Variants in UNC80 observed in about 807,000 individuals in gnomAD.
The protein encoded by UNC80 is unc-80 subunit of NALCN channel complex.
In UNC80, 164 loss-of-function variants were observed where a neutral mutation model predicts 384.6. The observed-to-expected ratio is 0.43, with a 90% CI of 0.38 to 0.49. The LOEUF (loss-of-function observed/expected upper bound fraction) is 0.49. Ranked by LOEUF, UNC80 falls within the 20% of genes least tolerant of loss-of-function variation. The pLI, the probability that UNC80 is intolerant of heterozygous loss-of-function variation, is 0.00. For synonymous variants in UNC80, 1,486 were observed against 1,527.8 expected, an observed-to-expected ratio of 0.97 and a Z score of 0.64; for missense variants, 3,330 against 4,143.0, an observed-to-expected ratio of 0.80 and a Z score of 5.39.
rs1307503288 is a variant in UNC80 at position 209,995,481 on chromosome 2, C to T, written c.9861C>T (p.Val3287=). 1.9e-6 allele frequency: 3 copies of T among 1,551,856 alleles called. No individual in the cohort carries two copies. The South Asian group carries it at 3.6e-5, about 18-fold the overall frequency. The change falls in exon 65 of 65, where the codon GTC becomes GTT. Residue 3287 remains valine (V), a synonymous_variant. Transcript: ENST00000673920. ...TSSLLQHGDT[V]LHISEENGME... The stretch of plus-strand genomic sequence containing the variant: ...GCCTCCTACAGCATGGAGACACTGT[C>T]CTTCATATCAGTGAGGAAAATGGCA...
rs540059598 is a variant in UNC80 at position 209,981,599 on chromosome 2, A to G, written c.9119-580A>G. Reference sequence around the variant, plus strand: ...CTCAAAAACAAAAAACAAACAAACCAAAACAAAACAAAAAAAACTCTGCTT... The same window carrying G: ...CTCAAAAACAAAAAACAAACAAACCGAAACAAAACAAAAAAAACTCTGCTT... On this transcript the variant is annotated intron_variant, in intron 59 of 64. Transcript: ENST00000673920. Among the ~76,000 whole-genome samples, 51 of 151,952 alleles carry G rather than the reference A, an allele frequency of 3.4e-4. No homozygotes were observed. The East Asian group carries it at 8.7e-3, about 26-fold the overall frequency.
Position 209,813,786 on chromosome 2 carries a change from G to A in UNC80, c.1145G>A (p.Arg382Lys). 1 of 1,552,098 alleles carries A rather than the reference G, an allele frequency of 6.4e-7. No homozygotes were observed. ...EPDIPLLPRP[R>K]SSSMVAAAPS... ...GATATTCCTCTCCTGCCCAGACCCA[G>A]GAGTAGCTCCATGGTGGCAGCAGCT... The change falls in exon 8 of 65, where the codon AGG becomes AAG. Residue 382 changes from arginine (R) to lysine (K), a missense_variant. This residue lies in a region of UNC80 where 937 missense variants were observed against 1,026.8 expected (regional missense o/e 0.91). Transcript: ENST00000673920.
intron 44 of UNC80, 151 bp from the exon 45 acceptor site, chr2:209,943,229 A>G (rs998995112): frequency 3.1e-6 from 3 of 980,392 alleles, no homozygotes; most frequent in African/African-American, 3.3e-5. Context: ...AAATTTATCT[A>G]GAGAAAGTTT....
chr2:209,816,237 A>C (rs555186360), intron 9 of UNC80, among the ~76,000 whole-genome samples: 14 of 152,354 alleles, frequency 9.2e-5, no homozygotes, highest in African/African-American at 3.1e-4. Context: ...TCCCAGACCA[A>C]TTAAACCAGA....
intron 31 of UNC80, among the ~76,000 whole-genome samples, chr2:209,915,421 A>C (rs934979801): frequency 6.6e-6 from 1 of 151,480 alleles, no homozygotes; most frequent in East Asian, 1.9e-4. Flanking sequence ...AAAAAAAAAA[A>C]AAACAAAAAC....
At chr2:209,804,984 T>C (rs888852563) in intron 7 of UNC80, among the ~76,000 whole-genome samples, 2 of 152,312 alleles carry the variant, frequency 1.3e-5, no homozygotes, top group South Asian at 4.1e-4. Context: ...TTCTTTATAT[T>C]TGATGTATTA....
intron 54 of UNC80, among the ~76,000 whole-genome samples, chr2:209,971,636 T>C (rs2092891234): frequency 6.6e-6 from 1 of 152,188 alleles, no homozygotes; most frequent in Non-Finnish European, 1.5e-5. Context: ...TGATGGCTCA[T>C]CATCCAGAGA....
At chr2:209,875,182 C>T (rs2084670333) in intron 23 of UNC80, among the ~76,000 whole-genome samples, 1 of 152,174 alleles carries the variant, frequency 6.6e-6, no homozygotes, top group African/African-American at 2.4e-5. Flanking sequence ...GACTTGCACC[C>T]TCTAATTCAT....
chr2:209,853,788 G>A (rs1037962077), intron 22 of UNC80, among the ~76,000 whole-genome samples: 2 of 151,970 alleles, frequency 1.3e-5, no homozygotes, highest in Non-Finnish European at 2.9e-5. Flanking sequence ...TAATTTATTA[G>A]CATGAATAAC....
chr2:209,815,145 T>A lies in UNC80; in HGVS notation c.1201-112T>A, dbSNP rs1167609443. 26 of 1,036,352 alleles carry A rather than the reference T, an allele frequency of 2.5e-5. No individual in the cohort carries two copies. The East Asian group carries it at 6.9e-4, about 28-fold the overall frequency. The allele number at this position is 1,036,352 out of a possible 1,614,324, so 64.2% of individuals were successfully genotyped here. A position where few individuals can be genotyped will look rare whatever the true frequency, so the allele number is the denominator to read the frequency against. On this transcript the variant is annotated intron_variant, in intron 8 of 64. Coordinates refer to ENST00000673920, the MANE Select transcript of UNC80 (RefSeq NM_001371986.1). ...AAGTCCAGACATACAAGTTCAATTG[T>A]TCAAAGATGTCAAAGCTATAGGCGC...
intron 22 of UNC80, among the ~76,000 whole-genome samples, chr2:209,851,038 C>A (rs2082492388): frequency 6.6e-6 from 1 of 151,896 alleles, no homozygotes; most frequent in Non-Finnish European, 1.5e-5. Flanking sequence ...AACACTTAAA[C>A]AATGGAAAAG....
chr2:209,813,741 C>A lies in UNC80; in HGVS notation c.1100C>A (p.Pro367Gln), dbSNP rs1205882216. The stretch of plus-strand genomic sequence containing the variant: ...CTGCGACACATGTTGGAAGAGAAGC[C>A]AGAAAAGCCTCCGGAGCCAGATATT... Reference protein sequence around the residue: ...QRLRHMLEEKPEKPPEPDIPL... With the variant: ...QRLRHMLEEKQEKPPEPDIPL... Residue 367 changes from proline to glutamine, a missense_variant, in exon 8 of 65, where the codon CCA becomes CAA. Pro to Gln is a moderately conservative substitution (Grantham distance 76, BLOSUM62 -1). Around this residue, in one of 8 missense-constraint regions of UNC80, gnomAD observed 937 missense variants for 1,026.8 expected, o/e 0.91. Transcript: ENST00000673920. 2 of 1,551,820 alleles carry A rather than the reference C, an allele frequency of 1.3e-6. No homozygotes were observed. Among genetic ancestry groups the A allele is most frequent in the East Asian group, 4.9e-5 (2 of 40,914 alleles).
intron 61 of UNC80, among the ~76,000 whole-genome samples, chr2:209,989,725 A>T (rs570669557): frequency 6.6e-6 from 1 of 152,312 alleles, no homozygotes; most frequent in Admixed American, 6.5e-5. Flanking sequence ...CATACATCAC[A>T]AATCCTGCAG....
intron 5 of UNC80, among the ~76,000 whole-genome samples, chr2:209,786,512 C>T (rs1480064132): frequency 1.3e-5 from 2 of 152,160 alleles, no homozygotes; most frequent in African/African-American, 2.4e-5. Context: ...AGAAGAATGT[C>T]TGGCACATAG....
At chr2:209,905,000 T>C in intron 29 of UNC80, 35 bp downstream of exon 29, 6 of 1,542,262 alleles carry the variant, frequency 3.9e-6, no homozygotes, top group Non-Finnish European at 5.3e-6. Flanking sequence ...ATTCTAATAC[T>C]AGAAACATGA....
chr2:209,943,732 T>A (rs1280760523), intron 45 of UNC80, among the ~76,000 whole-genome samples: 3 of 152,186 alleles, frequency 2.0e-5, no homozygotes, highest in Non-Finnish European at 4.4e-5. Flanking sequence ...AAGCTGCAGG[T>A]GAACTAACTA....
intron 22 of UNC80, among the ~76,000 whole-genome samples, chr2:209,861,413 G>T (rs1209803891): frequency 6.6e-6 from 1 of 152,170 alleles, no homozygotes; most frequent in African/African-American, 2.4e-5. Flanking sequence ...GATCGTGATG[G>T]ATAAGTTTTT....
chr2:209,826,898 C>A (rs1200305152), intron 14 of UNC80, among the ~76,000 whole-genome samples: 1 of 152,074 alleles, frequency 6.6e-6, no homozygotes, highest in Non-Finnish European at 1.5e-5. Context: ...AAATCTAATG[C>A]CAGCCCATTT....
At position 209,936,871 on chromosome 2, in the gene UNC80, G is replaced by A. The variant is rs1170303037; in HGVS notation, c.6301G>A (p.Glu2101Lys). The part of the protein sequence containing the change: ...KECLEFFNIP[E>K]SQSTHYFLMD... ...GTGTCTGGAGTTTTTTAATATCCCAGAATCCCAGTCAACACATTATTTTCT... is the reference window on the plus strand; with the variant it reads ...GTGTCTGGAGTTTTTTAATATCCCAAAATCCCAGTCAACACATTATTTTCT... The change falls in exon 41 of 65, where the codon GAA (glutamate) becomes AAA (lysine). Residue 2101 changes from glutamate to lysine, a missense_variant. Glu to Lys is a moderately conservative substitution (Grantham distance 56). Coordinates refer to ENST00000673920, the MANE Select transcript of UNC80 (RefSeq NM_001371986.1). 1 of 1,550,736 alleles carries A rather than the reference G, an allele frequency of 6.4e-7. No homozygotes were observed. The highest frequency in any genetic ancestry group is 1.2e-5 in the South Asian group (1 of 84,034).
Sources: gnomAD v4.1 joint callset for allele counts (sites outside exome capture counted in the v4.1 genomes callset) on GRCh38, gnomAD v4.1.1 for gene constraint, gnomAD v4.1.1 regional missense constraint, MANE v1.5 for transcripts, NCBI Gene and HGNC (gene_info 2026-07-23, HGNC 2026-07-21) for gene names.